Variants in SLAIN1 observed in about 807,000 individuals in gnomAD.
The protein encoded by SLAIN1 is SLAIN family member 1, also known as SLAIN motif-containing protein 1.
In SLAIN1, 17 loss-of-function variants were observed where a neutral mutation model predicts 55.4. The observed-to-expected ratio is 0.31, with a 90% CI of 0.21 to 0.46. The LOEUF (loss-of-function observed/expected upper bound fraction) is 0.46. SLAIN1 is among the 20% of genes least tolerant of loss of function. SLAIN1 has a pLI of 1.00. For missense variants in SLAIN1, 682 were observed against 785.1 expected, an observed-to-expected ratio of 0.87 and a Z score of 1.57; for synonymous variants, 348 against 337.4, an observed-to-expected ratio of 1.03 and a Z score of -0.35.
intron 1 of SLAIN1, among the ~76,000 whole-genome samples, chr13:77,702,858 T>A (rs1234386793): frequency 1.3e-5 from 2 of 152,184 alleles, no homozygotes; most frequent in Non-Finnish European, 2.9e-5. Flanking sequence ...CAATGCTTGC[T>A]TTGATTAAAT....
chr13:77,742,983 G>C (rs1296167663), intron 2 of SLAIN1: 1 of 1,247,490 alleles, frequency 8.0e-7, no homozygotes, highest in Non-Finnish European at 1.0e-6. Context: ...CTTCCATATA[G>C]CTAACTGCTG....
intron 2 of SLAIN1, among the ~76,000 whole-genome samples, chr13:77,740,370 G>C (rs1012202413): frequency 6.6e-6 from 1 of 152,002 alleles, no homozygotes; most frequent in African/African-American, 2.4e-5. Context: ...AGTGTCCTGG[G>C]AGGCAGTTTA....
At position 77,736,256 on chromosome 13, in the gene SLAIN1, C is replaced by T. The variant is rs189716716; in HGVS notation, c.767-8027C>T. On this transcript the variant is annotated intron_variant, in intron 2 of 6. Coordinates refer to ENST00000418532, the MANE Select transcript of SLAIN1 (RefSeq NM_001242868.2). ...TTCTCAGCATATTTATTGCCTGTAA[C>T]TTACAGATTAAAAAGCCTTAAACTC... 7.9e-5 allele frequency among the ~76,000 whole-genome samples: 12 copies of T among 152,106 alleles called. No individual in the cohort carries two copies. In the East Asian group the frequency reaches 2.1e-3, roughly 27 times the overall value.
intron 1 of SLAIN1, among the ~76,000 whole-genome samples, chr13:77,712,806 ACT>A (rs1411844136): frequency 6.6e-6 from 1 of 152,224 alleles, no homozygotes; most frequent in Non-Finnish European, 1.5e-5. Flanking sequence ...CTGATTTCAA[ACT>A]CTACTACAAA....
At chr13:77,731,049 T>C (rs1445537437) in intron 2 of SLAIN1, among the ~76,000 whole-genome samples, 1 of 152,090 alleles carries the variant, frequency 6.6e-6, no homozygotes, top group African/African-American at 2.4e-5. Flanking sequence ...CCAGAACCTC[T>C]CATGTTTTAA....
At position 77,698,357 on chromosome 13, in the gene SLAIN1, C is replaced by G; in HGVS notation, c.444C>G (p.Val148=). 2 of 1,443,214 alleles carry G rather than the reference C, an allele frequency of 1.4e-6. No homozygotes were observed. Among genetic ancestry groups the G allele is most frequent in the South Asian group, 2.7e-5 (2 of 74,596 alleles). The allele number at this position is 1,443,214 out of a possible 1,614,324, so 89.4% of individuals were successfully genotyped here. The change falls in exon 1 of 7, where the codon GTC becomes GTG. Residue 148 remains valine, a synonymous_variant. Transcript: ENST00000418532. The surrounding 1 kb of genome is among the most constrained non-coding windows in gnomAD (Gnocchi z 4.1). ...SLAQPPEAPF[V]YFKPAAGFFG... is the part of the protein sequence containing the mutation. ...CGCAGCCACCCGAGGCGCCCTTCGTCTACTTCAAGCCGGCAGCAGGCTTCT... is the reference window on the plus strand; with the variant it reads ...CGCAGCCACCCGAGGCGCCCTTCGTGTACTTCAAGCCGGCAGCAGGCTTCT...
intron 5 of SLAIN1, among the ~76,000 whole-genome samples, chr13:77,758,278 GT>G (rs146479590): frequency 1.5e-4 from 22 of 151,308 alleles, no homozygotes; most frequent in African/African-American, 5.1e-4. Flanking sequence ...GGGATTAGTT[GT>G]TTTTTTTCTT....
intron 6 of SLAIN1, among the ~76,000 whole-genome samples, chr13:77,762,937 C>A (rs931090078): frequency 3.3e-5 from 5 of 152,132 alleles, no homozygotes; most frequent in Non-Finnish European, 1.5e-5. Context: ...ATACAACATG[C>A]ATGACACTTT....
chr13:77,737,930 C>G (rs1032038161), intron 2 of SLAIN1, among the ~76,000 whole-genome samples: 1 of 151,952 alleles, frequency 6.6e-6, no homozygotes, highest in Admixed American at 6.6e-5. Flanking sequence ...ATGCTATAGC[C>G]ACAATAGTTA....
chr13:77,719,258 TAAA>T (rs11432686), intron 1 of SLAIN1, among the ~76,000 whole-genome samples: 2 of 139,806 alleles, frequency 1.4e-5, no homozygotes. Flanking sequence ...CTAGTTTAGT[TAAA>T]AAAAAAAAAA....
At chr13:77,716,865 T>C (rs965467679) in intron 1 of SLAIN1, among the ~76,000 whole-genome samples, 11 of 152,154 alleles carry the variant, frequency 7.2e-5, no homozygotes, top group African/African-American at 2.2e-4. Flanking sequence ...GTTTTTAATG[T>C]AATGCCTGAT....
rs1417787077 is a variant in SLAIN1, at chr13:77,698,419, C to G, written c.506C>G (p.Ala169Gly). Residue 169 changes from alanine (A) to glycine (G), a missense_variant, in exon 1 of 7, where the codon GCG becomes GGG. By Grantham distance (60) the Ala-to-Gly change is moderately conservative. Transcript: ENST00000418532. The surrounding 1 kb of genome is among the most constrained non-coding windows in gnomAD (Gnocchi z 4.1). Reference sequence around the variant, plus strand: ...GGTGGCGGGCCGGAGCCGGGGGGCGCGGGGACGCCGCCAGGGGCAGCTGCA... The same window carrying G: ...GGTGGCGGGCCGGAGCCGGGGGGCGGGGGGACGCCGCCAGGGGCAGCTGCA... ...AGGGGPEPGG[A>G]GTPPGAAAAP... 9 of 1,392,804 alleles carry G rather than the reference C, an allele frequency of 6.5e-6. No homozygotes were observed. The highest frequency in any genetic ancestry group is 8.3e-6 in the Non-Finnish European group (9 of 1,078,736). The allele number at this position is 1,392,804 out of a possible 1,614,324, so 86.3% of individuals were successfully genotyped here.
rs553828628 is a variant in SLAIN1, at chr13:77,738,200, A to C, written c.767-6083A>C. Among the ~76,000 whole-genome samples, 4 of 147,856 alleles carry C rather than the reference A, an allele frequency of 2.7e-5. No homozygotes were observed. The East Asian group carries it at 7.8e-4, about 29-fold the overall frequency. The stretch of plus-strand genomic sequence containing the variant: ...TCTGGAGCACTACACACACACCCAC[A>C]CACACACACACATATACACATACAT... On this transcript the variant is annotated intron_variant, in intron 2 of 6. Transcript: ENST00000418532.
chr13:77,751,633 C>T (rs1207061301), intron 4 of SLAIN1, among the ~76,000 whole-genome samples: 1 of 152,202 alleles, frequency 6.6e-6, no homozygotes, highest in African/African-American at 2.4e-5. Context: ...AGAGAGTTCA[C>T]CCCTGTGGTC....
intron 2 of SLAIN1, among the ~76,000 whole-genome samples, chr13:77,721,357 A>AT (rs1298829358): frequency 6.6e-6 from 1 of 152,150 alleles, no homozygotes; most frequent in African/African-American, 2.4e-5. Flanking sequence ...TTCTTTATAA[A>AT]TTACCCAGTC....
At chr13:77,705,688 T>A (rs2091082674) in intron 1 of SLAIN1, among the ~76,000 whole-genome samples, 1 of 151,894 alleles carries the variant, frequency 6.6e-6, no homozygotes, top group Non-Finnish European at 1.5e-5. Flanking sequence ...ATTTTGGAGC[T>A]GTGTTGTACT....
chr13:77,755,176 A>C (rs1245256630), intron 5 of SLAIN1, among the ~76,000 whole-genome samples: 1 of 152,100 alleles, frequency 6.6e-6, no homozygotes, highest in East Asian at 1.9e-4. Context: ...AAAATTAGCC[A>C]GGCATAGTGG....
chr13:77,759,118 G>A (rs897954610), intron 5 of SLAIN1, among the ~76,000 whole-genome samples: 4 of 152,014 alleles, frequency 2.6e-5, no homozygotes, highest in Non-Finnish European at 4.4e-5. Context: ...ACAGTGTTTT[G>A]TAGTTTTCCT....
Position 77,697,845 on chromosome 13 carries a change from C to T in SLAIN1, c.-69C>T. 1 of 1,248,484 alleles carries T rather than the reference C, an allele frequency of 8.0e-7. No individual in the cohort carries two copies. The highest frequency in any genetic ancestry group is 1.0e-6 in the Non-Finnish European group (1 of 996,708). The allele number at this position is 1,248,484 out of a possible 1,614,324, so 77.3% of individuals were successfully genotyped here. A position where few individuals can be genotyped will look rare whatever the true frequency, so the allele number is the denominator to read the frequency against. ...GGCGACAGGGAAGGAGCCGTAGCCT[C>T]CCCGTGGCCCGAGGAGCCGGCGCGG... On this transcript the variant is annotated 5_prime_UTR_variant, in exon 1 of 7. Transcript: ENST00000418532.
Sources: allele counts gnomAD v4.1 joint callset (sites outside exome capture counted in the v4.1 genomes callset), GRCh38; gene constraint gnomAD v4.1.1; non-coding constraint Gnocchi (gnomAD v3.1); transcripts MANE v1.5; gene names NCBI Gene and HGNC (gene_info 2026-07-23, HGNC 2026-07-21).